The following GABBR2 variants were observed in gnomAD, a reference collection of about 807,000 sequenced individuals.
GABBR2 encodes the protein G-protein coupled receptor 51.
A neutral mutation model predicts 105.6 loss-of-function variants in GABBR2; 23 were observed. That is an observed-to-expected ratio of 0.22 (90% CI 0.16 to 0.31). The LOEUF is 0.31. GABBR2 is among the 10% of genes least tolerant of loss of function. The pLI, the probability that GABBR2 is intolerant of heterozygous loss-of-function variation, is 1.00. For missense variants in GABBR2, 734 were observed against 1,245.5 expected (o/e 0.59, Z 6.18); for synonymous variants, 478 against 499.7 (o/e 0.96, Z 0.58).
chr9:98,497,437 A>G (rs1223444468), intron 3 of GABBR2, among the ~76,000 whole-genome samples: 1 of 151,796 alleles, frequency 6.6e-6, no homozygotes, highest in Non-Finnish European at 1.5e-5. Flanking sequence ...TAAAAAAAAA[A>G]GAAAGTAAGG....
At chr9:98,359,518 C>T (rs1249573829) in intron 13 of GABBR2, among the ~76,000 whole-genome samples, 2 of 152,144 alleles carry the variant, frequency 1.3e-5, no homozygotes, top group Non-Finnish European at 1.5e-5. Context: ...CCCCAGTAGG[C>T]CTCTAGGGGA....
At chr9:98,496,157 C>T (rs375448269) in intron 4 of GABBR2, 12 of 502,276 alleles carry the variant, frequency 2.4e-5, no homozygotes, top group Admixed American at 1.6e-4. Context: ...CCTGAGGCTG[C>T]GTTGAGAGAT....
At chr9:98,447,603 A>C (rs1268743444) in intron 7 of GABBR2, among the ~76,000 whole-genome samples, 1 of 151,648 alleles carries the variant, frequency 6.6e-6, no homozygotes, top group Non-Finnish European at 1.5e-5. Flanking sequence ...AAAAAAACCA[A>C]GTGCACAAAC....
intron 1 of GABBR2, among the ~76,000 whole-genome samples, chr9:98,688,172 T>C (rs762629673): frequency 1.4e-4 from 21 of 152,110 alleles, no homozygotes; most frequent in Non-Finnish European, 2.2e-4. Context: ...CCTTAAGCAG[T>C]TGGTTTTTTG....
chr9:98,572,883 G>A (rs960864669), intron 2 of GABBR2, among the ~76,000 whole-genome samples: 7 of 152,120 alleles, frequency 4.6e-5, no homozygotes, highest in Admixed American at 6.5e-5. Context: ...CCCCATCCAC[G>A]TCCAGTTGCA....
rs964208010 is a variant in GABBR2, at chr9:98,289,794, T to G, written c.*790A>C. 1 of 152,660 alleles carries G rather than the reference T, an allele frequency of 6.6e-6. No homozygotes were observed. The highest frequency in any genetic ancestry group is 1.5e-5 in the Non-Finnish European group (1 of 68,060). The allele number at this position is 152,660 out of a possible 1,614,324, so 9.5% of individuals were successfully genotyped here. ...AGCATCCGATAGGAACACAAGGACA[T>G]GGCCAACGTGGTGGGTGCATGACAG... is the stretch of plus-strand genomic sequence containing the variant. On this transcript the variant is annotated 3_prime_UTR_variant, in exon 19 of 19. Transcript: ENST00000259455.
intron 1 of GABBR2, among the ~76,000 whole-genome samples, chr9:98,641,994 C>T (rs79191378): frequency 1.2e-3 from 181 of 152,254 alleles, no homozygotes; most frequent in African/African-American, 4.3e-3. Flanking sequence ...GAATGAAATC[C>T]ATCAAAAAGC....
At chr9:98,474,912 C>T (rs1378802780) in intron 5 of GABBR2, among the ~76,000 whole-genome samples, 1 of 152,154 alleles carries the variant, frequency 6.6e-6, no homozygotes, top group East Asian at 1.9e-4. Flanking sequence ...CCTGAGAAAG[C>T]CCAGGCTGCA....
chr9:98,348,287 G>A (rs150042194), intron 13 of GABBR2, among the ~76,000 whole-genome samples: 1 of 152,240 alleles, frequency 6.6e-6, no homozygotes, highest in African/African-American at 2.4e-5. Flanking sequence ...CTGTTCCGTT[G>A]GTCTATGGTC....
intron 13 of GABBR2, among the ~76,000 whole-genome samples, chr9:98,314,236 A>C (rs2131366167): frequency 6.6e-6 from 1 of 152,234 alleles, no homozygotes; most frequent in East Asian, 1.9e-4. Flanking sequence ...GCTGCATTTT[A>C]TTAAGGGCAA....
intron 1 of GABBR2, among the ~76,000 whole-genome samples, chr9:98,704,952 CA>C (rs10586853): frequency 0.54 from 75,872 of 139,562 alleles, 19,588 homozygotes; most frequent in Admixed American, 0.63. Flanking sequence ...CCAACTCTTT[CA>C]AAAAAAAAAA....
At chr9:98,646,931 G>C (rs1268045627) in intron 1 of GABBR2, among the ~76,000 whole-genome samples, 1 of 152,202 alleles carries the variant, frequency 6.6e-6, no homozygotes, top group East Asian at 1.9e-4. Flanking sequence ...CAGAATGGTT[G>C]TGTGACATCT....
At position 98,490,365 on chromosome 9, in the gene GABBR2, T is replaced by C. The variant is rs1412391932; in HGVS notation, c.732+6048A>G. Among the ~76,000 whole-genome samples the C allele has an allele frequency of 2.0e-5, 3 of 152,164 alleles. 1 individual carries two copies. In the East Asian group the frequency reaches 5.8e-4, roughly 29 times the overall value. ...CTGTAAAAGTAGGGCATAGGGTTCC[T>C]GATGGTGGGGGCAGGGGGCTGTGGA... On this transcript the variant is annotated intron_variant, in intron 4 of 18. Coordinates refer to ENST00000259455, the MANE Select transcript of GABBR2 (RefSeq NM_005458.8).
chr9:98,396,673 C>G (rs1832297111), intron 8 of GABBR2, among the ~76,000 whole-genome samples: 2 of 152,334 alleles, frequency 1.3e-5, no homozygotes, highest in African/African-American at 4.8e-5. Context: ...CAATCAGGTC[C>G]TGCTGCTCAG....
chr9:98,606,877 C>A lies in GABBR2; in HGVS notation c.322-28805G>T. The stretch of plus-strand genomic sequence containing the variant: ...GAGGAGAGAAGCGTCCACAGCAGCA[C>A]CATGGGAGGTCTGATTGATCCACAT... On this transcript the variant is annotated intron_variant, in intron 1 of 18. Coordinates refer to ENST00000259455, the MANE Select transcript of GABBR2 (RefSeq NM_005458.8). 5.4e-6 allele frequency: 3 copies of A among 558,320 alleles called. No individual in the cohort carries two copies. The South Asian group carries it at 5.5e-5, about 10-fold the overall frequency. The allele number at this position is 558,320 out of a possible 1,614,324, so 34.6% of individuals were successfully genotyped here. A position where few individuals can be genotyped will look rare whatever the true frequency, so the allele number is the denominator to read the frequency against.
Position 98,473,342 on chromosome 9 carries a change from T to C in GABBR2, c.803A>G (p.Tyr268Cys), listed in dbSNP as rs1826723068. Residue 268 changes from tyrosine to cysteine, a missense_variant, in exon 6 of 19, where the codon TAC (tyrosine) becomes TGC (cysteine). Physicochemically the swap from Tyr to Cys is radical, Grantham distance 194 (BLOSUM62 -2). Coordinates refer to ENST00000259455, the MANE Select transcript of GABBR2 (RefSeq NM_005458.8). ...TTTACTACCATACATGTTCTCCTCG[T>C]ATGCCTGTAAAAGATGGAGTGACTA... ...NMAAKVFCCA[Y>C]EENMYGSKYQ... 1.9e-6 allele frequency: 3 copies of C among 1,608,532 alleles called. No homozygotes were observed. Among genetic ancestry groups the C allele is most frequent in the Non-Finnish European group, 2.6e-6 (3 of 1,175,160 alleles).
At chr9:98,311,442 A>C (rs1189728337) in intron 13 of GABBR2, among the ~76,000 whole-genome samples, 1 of 152,138 alleles carries the variant, frequency 6.6e-6, no homozygotes, top group East Asian at 1.9e-4. Context: ...TGCATAATTC[A>C]TGCCTCTCCA....
intron 7 of GABBR2, among the ~76,000 whole-genome samples, chr9:98,410,454 A>C (rs1396425602): frequency 6.6e-6 from 1 of 151,440 alleles, no homozygotes; most frequent in Admixed American, 6.6e-5. Flanking sequence ...CCATTTAGGG[A>C]AGCGGTCATG....
intron 11 of GABBR2, among the ~76,000 whole-genome samples, chr9:98,379,029 C>T (rs374400528): frequency 1.3e-5 from 2 of 152,212 alleles, no homozygotes; most frequent in African/African-American, 4.8e-5. Flanking sequence ...ATTCCAACCA[C>T]TACATGGCCG....
Sources: gnomAD v4.1 joint callset for allele counts (sites outside exome capture counted in the v4.1 genomes callset) on GRCh38, gnomAD v4.1.1 for gene constraint, MANE v1.5 for transcripts, NCBI Gene and HGNC (gene_info 2026-07-23, HGNC 2026-07-21) for gene names.